Variants in MAN2B2 observed in about 807,000 individuals in gnomAD.
MAN2B2 encodes the protein mannosidase alpha class 2B member 2.
A neutral mutation model predicts 117.1 loss-of-function variants in MAN2B2; 106 were observed. That is an observed-to-expected ratio of 0.90 (90% CI 0.77 to 1.06). MAN2B2 has a LOEUF of 1.06. Among genes scored for constraint, MAN2B2 ranks in the 50% least tolerant of loss-of-function variants. The pLI, the probability that MAN2B2 is intolerant of heterozygous loss-of-function variation, is 0.00. For synonymous variants in MAN2B2, 544 were observed against 595.1 expected (o/e 0.91, Z 1.25); for missense variants, 1,326 against 1,381.4 (o/e 0.96, Z 0.64).
In MAN2B2 at chr4:6,593,344, G is replaced by A. The variant is rs370737290; in HGVS notation, c.852G>A (p.Trp284Ter). The A allele has an allele frequency of 4.5e-5, 72 of 1,611,846 alleles. No individual in the cohort carries two copies. In the Middle Eastern group the frequency reaches 1.2e-3, roughly 26 times the overall value. Residue 284 changes from tryptophan to a stop codon, truncating the protein, a stop_gained, in exon 6 of 19, where the codon TGG becomes TGA. Transcript: ENST00000285599. LOFTEE classifies it high-confidence loss of function. ...AAWFRTPHVLWPWGCDKQFFN... is the reference protein window; with the variant it reads ...AAWFRTPHVL ...GGTTCCGGACACCGCACGTCCTCTG[G>A]CCCTGGGTAAGGCAGAGTCCCAGGT... is the stretch of plus-strand genomic sequence containing the variant.
chr4:6,604,912 A>G, intron 10 of MAN2B2, 143 bp from the exon 11 acceptor site: 1 of 1,013,958 alleles, frequency 9.9e-7, no homozygotes, highest in South Asian at 1.6e-5. Flanking sequence ...CCAAGGGGAG[A>G]AAGCCAGAAC....
In MAN2B2 at chr4:6,598,268, C is replaced by T; in HGVS notation, c.1319C>T (p.Ala440Val). ...KVRDMYATHL[A>V]SGMLGMRKLM... is the part of the protein sequence containing the mutation. ...AGAGACATGTACGCAACGCACCTGG[C>T]CTCGGGGATGCTGGGCATGCGCAAG... The change falls in exon 9 of 19, where the codon GCC (alanine) becomes GTC (valine). Residue 440 changes from alanine to valine, a missense_variant. By Grantham distance (64) the Ala-to-Val change is moderately conservative (BLOSUM62 0). Coordinates refer to ENST00000285599, the MANE Select transcript of MAN2B2 (RefSeq NM_015274.3). 1 of 1,613,728 alleles carries T rather than the reference C, an allele frequency of 6.2e-7. No homozygotes were observed. Among genetic ancestry groups the T allele is most frequent in the Non-Finnish European group, 8.5e-7 (1 of 1,180,038 alleles).
chr4:6,601,124 TACACAC>T (rs1176557230), intron 10 of MAN2B2, among the ~76,000 whole-genome samples: 2 of 152,036 alleles, frequency 1.3e-5, no homozygotes, highest in Admixed American at 6.6e-5. Flanking sequence ...GTTCCCATGA[TACACAC>T]ACACACAAGT....
chr4:6,618,612 C>T (rs1712009112), intron 17 of MAN2B2: 1 of 152,428 alleles, frequency 6.6e-6, no homozygotes, highest in Non-Finnish European at 1.5e-5. Context: ...GCCCTCTCAG[C>T]TCTACTATCA....
chr4:6,579,042 T>TCACCACCATCAC (rs1726194399), intron 3 of MAN2B2, among the ~76,000 whole-genome samples: 1 of 48,832 alleles, frequency 2.0e-5, no homozygotes, highest in Non-Finnish European at 4.0e-5. Context: ...ACTACCACCA[T>TCACCACCATCAC]CACCACCATC....
intron 4 of MAN2B2, among the ~76,000 whole-genome samples, chr4:6,587,744 G>GTTTT (rs1553912035): frequency 7.8e-6 from 1 of 128,050 alleles, no homozygotes. Flanking sequence ...GGTCTTTTGG[G>GTTTT]TTGTTGTTTT....
intron 3 of MAN2B2, among the ~76,000 whole-genome samples, chr4:6,585,120 C>A (rs528280187): frequency 1.1e-3 from 169 of 152,164 alleles, no homozygotes; most frequent in African/African-American, 3.9e-3. Flanking sequence ...ACTCCTAGTC[C>A]ACGCTCCCCC....
intron 9 of MAN2B2, among the ~76,000 whole-genome samples, chr4:6,600,241 C>T (rs1727274371): frequency 2.0e-5 from 3 of 152,216 alleles, no homozygotes; most frequent in Admixed American, 1.3e-4. Context: ...GCCCAGCACT[C>T]AAAGCTTTGC....
chr4:6,580,130 G>GT (rs1726371579), intron 3 of MAN2B2, among the ~76,000 whole-genome samples: 1 of 152,210 alleles, frequency 6.6e-6, no homozygotes, highest in African/African-American at 2.4e-5. Context: ...AATCTGGAGT[G>GT]TTCCCCTGTC....
chr4:6,614,561 G>A (rs1156631136), intron 16 of MAN2B2, among the ~76,000 whole-genome samples: 3 of 152,138 alleles, frequency 2.0e-5, no homozygotes, highest in Admixed American at 6.5e-5. Flanking sequence ...GGTGGGCCTG[G>A]CCCCCAGCCC....
intron 9 of MAN2B2, among the ~76,000 whole-genome samples, chr4:6,599,225 G>T (rs1292653637): frequency 6.6e-6 from 1 of 152,144 alleles, no homozygotes; most frequent in Non-Finnish European, 1.5e-5. Context: ...AGCCTCCCAA[G>T]TAGCTGGGAC....
rs551696862 is a variant in MAN2B2, at chr4:6,622,019, T to G, written c.*734T>G. The G allele has an allele frequency of 1.3e-5, 2 of 152,362 alleles. No individual in the cohort carries two copies. The highest frequency in any genetic ancestry group is 3.9e-4 in the East Asian group (2 of 5,184). The allele number at this position is 152,362 out of a possible 1,614,324, so 9.4% of individuals were successfully genotyped here. A position where few individuals can be genotyped will look rare whatever the true frequency, so the allele number is the denominator to read the frequency against. ...GCTCCCGCGTTCATAGCAGCATTAC[T>G]CAAAAGTCAAACGGTAGCAACAACC... On this transcript the variant is annotated 3_prime_UTR_variant, in exon 19 of 19. Coordinates refer to ENST00000285599, the MANE Select transcript of MAN2B2 (RefSeq NM_015274.3).
At chr4:6,610,164 TC>T (rs996343215) in intron 13 of MAN2B2, 114 bp downstream of exon 13, 11 of 1,446,470 alleles carry the variant, frequency 7.6e-6, no homozygotes, top group Non-Finnish European at 1.0e-5. Flanking sequence ...AATGTTTTTT[TC>T]CTTTTTTTTA....
At chr4:6,597,516 T>C (rs947748426) in intron 8 of MAN2B2, among the ~76,000 whole-genome samples, 2 of 152,224 alleles carry the variant, frequency 1.3e-5, no homozygotes, top group Non-Finnish European at 2.9e-5. Flanking sequence ...GGTGGCCTCA[T>C]TAAGCTTTGT....
At chr4:6,581,575 G>T (rs531196956) in intron 3 of MAN2B2, among the ~76,000 whole-genome samples, 1 of 152,078 alleles carries the variant, frequency 6.6e-6, no homozygotes, top group East Asian at 1.9e-4. Context: ...AGATATGTTG[G>T]GGTAAGAGGG....
intron 1 of MAN2B2, 78 bp downstream of exon 1, chr4:6,575,426 T>G (rs1726018835): frequency 4.2e-6 from 5 of 1,180,140 alleles, no homozygotes. Context: ...TGGGTTTGCG[T>G]CCCGGGGCCC....
chr4:6,576,321 C>G lies in MAN2B2; in HGVS notation c.139-257C>G, dbSNP rs113609017. 2.3e-3 allele frequency among the ~76,000 whole-genome samples: 355 copies of G among 152,324 alleles called. 1 individual carries two copies. Among genetic ancestry groups the G allele is most frequent in the African/African-American group, 7.9e-3 (330 of 41,580 alleles). On this transcript the variant is annotated intron_variant, in intron 1 of 18. Transcript: ENST00000285599. ...CCCCTCTGAGAAACTGTCCCTGACCCCTGGGCTGGGAGGGCACCTGTCTCT... is the reference window on the plus strand; with the variant it reads ...CCCCTCTGAGAAACTGTCCCTGACCGCTGGGCTGGGAGGGCACCTGTCTCT...
In MAN2B2 at chr4:6,596,158, T is replaced by C. The variant is rs889926317; in HGVS notation, c.1058-955T>C. Among the ~76,000 whole-genome samples the C allele has an allele frequency of 6.4e-4, 94 of 146,834 alleles. 2 individuals carry two copies. The highest frequency in any genetic ancestry group is 2.3e-3 in the African/African-American group (92 of 40,194). ...GGTGGGCGTGGTATCCAGGTGGGCG[T>C]GGTATCCAGGCGGGTGTGGGTGGGC... On this transcript the variant is annotated intron_variant, in intron 7 of 18. Coordinates refer to ENST00000285599, the MANE Select transcript of MAN2B2 (RefSeq NM_015274.3).
At chr4:6,579,108 CCAT>C (rs1726221710) in intron 3 of MAN2B2, among the ~76,000 whole-genome samples, 2 of 70,938 alleles carry the variant, frequency 2.8e-5, no homozygotes, top group Non-Finnish European at 5.8e-5. Flanking sequence ...AGCACCACCA[CCAT>C]CACCATCACC....
Sources: gnomAD v4.1 joint callset for allele counts (sites outside exome capture counted in the v4.1 genomes callset) on GRCh38, gnomAD v4.1.1 for gene constraint, MANE v1.5 for transcripts, NCBI Gene and HGNC (gene_info 2026-07-23, HGNC 2026-07-21) for gene names.